CCDC40: variants seen among roughly 807,000 people sequenced by gnomAD.
CCDC40 encodes coiled-coil domain 40 molecular ruler complex subunit.
In CCDC40, 104 loss-of-function variants were observed where a neutral mutation model predicts 124.5. The observed-to-expected ratio is 0.84, with a 90% CI of 0.71 to 0.98. The LOEUF is 0.98. Ranked by LOEUF, CCDC40 falls within the 50% of genes least tolerant of loss-of-function variation. The probability of loss-of-function intolerance (pLI) is 0.00; values close to 1 mark genes in which losing one functional copy is unlikely to be tolerated. For synonymous variants in CCDC40, 580 were observed against 602.9 expected (o/e 0.96, Z 0.56); for missense variants, 1,463 against 1,503.9 (o/e 0.97, Z 0.45).
chr17:80,063,056 G>A lies in CCDC40; in HGVS notation c.1441-2429G>A, dbSNP rs377609658. Among the ~76,000 whole-genome samples, 5 of 152,216 alleles carry A rather than the reference G, an allele frequency of 3.3e-5. No individual in the cohort carries two copies. The East Asian group carries it at 5.8e-4, about 18-fold the overall frequency. On this transcript the variant is annotated intron_variant, in intron 9 of 19. Coordinates refer to ENST00000397545, the MANE Select transcript of CCDC40 (RefSeq NM_017950.4). ...CTAAAAATTCAAAAATTAGCCAGGC[G>A]TGGTGGCGAGTGCCTATAATCGCAG... is the stretch of plus-strand genomic sequence containing the variant.
intron 18 of CCDC40, among the ~76,000 whole-genome samples, chr17:80,095,757 C>T (rs914881893): frequency 6.6e-6 from 1 of 152,244 alleles, no homozygotes; most frequent in Non-Finnish European, 1.5e-5. Flanking sequence ...CTGCAGAATG[C>T]CCGCACCGGA....
At chr17:80,057,749 G>A (rs1027277969) in intron 7 of CCDC40, among the ~76,000 whole-genome samples, 38 of 151,954 alleles carry the variant, frequency 2.5e-4, no homozygotes, top group Non-Finnish European at 3.8e-4. Context: ...GGTGGCGGGC[G>A]CCTGTAGTCC....
At chr17:80,057,070 CAA>C (rs1419924606) in intron 7 of CCDC40, among the ~76,000 whole-genome samples, 1 of 151,062 alleles carries the variant, frequency 6.6e-6, no homozygotes, top group East Asian at 2.0e-4. Flanking sequence ...AGCAAGTCCT[CAA>C]AGAGAACTTA....
chr17:80,044,214 G>A (rs1193590407), intron 3 of CCDC40, among the ~76,000 whole-genome samples: 4 of 152,088 alleles, frequency 2.6e-5, no homozygotes, highest in African/African-American at 4.8e-5. Flanking sequence ...CAAAGCCACC[G>A]TTCTGAACCA....
chr17:80,086,177 G>A lies in CCDC40; in HGVS notation c.2410G>A (p.Glu804Lys), dbSNP rs1023942421. 6 of 1,613,518 alleles carry A rather than the reference G, an allele frequency of 3.7e-6. No individual in the cohort carries two copies. Among genetic ancestry groups the A allele is most frequent in the African/African-American group, 2.7e-5 (2 of 75,016 alleles). ...QLASLDASKK[E>K]LHIMEQKKLR... ...GGCCTCCCTGGACGCATCCAAGAAGGAGCTCCACATCATGGAGCAGAAGAA... is the reference window on the plus strand; with the variant it reads ...GGCCTCCCTGGACGCATCCAAGAAGAAGCTCCACATCATGGAGCAGAAGAA... Residue 804 changes from glutamate (E) to lysine (K), a missense_variant, in exon 14 of 20, where the codon GAG (glutamate) becomes AAG (lysine). Coordinates refer to ENST00000397545, the MANE Select transcript of CCDC40 (RefSeq NM_017950.4). The surrounding 1 kb of genome is among the most constrained non-coding windows in gnomAD (Gnocchi z 5.5).
chr17:80,059,488 TA>T (rs538629976), intron 9 of CCDC40, among the ~76,000 whole-genome samples: 4,346 of 120,780 alleles, frequency 0.036, 92 homozygotes, highest in African/African-American at 0.056. Context: ...TACTGCAACT[TA>T]AAAAAAAAAA....
chr17:80,081,515 G>A (rs545193924), intron 10 of CCDC40, 31 bp from the exon 11 acceptor site: 34 of 1,613,002 alleles, frequency 2.1e-5, no homozygotes, highest in Middle Eastern at 1.7e-4. Flanking sequence ...TGTCTCACAC[G>A]TAACTGGCTC....
intron 10 of CCDC40, among the ~76,000 whole-genome samples, chr17:80,071,497 C>T (rs990191639): frequency 6.6e-6 from 1 of 152,212 alleles, no homozygotes; most frequent in Non-Finnish European, 1.5e-5. Flanking sequence ...GCACGGTGCC[C>T]AATGCCTGGG....
chr17:80,037,050 A>G (rs1391813239), intron 1 of CCDC40, among the ~76,000 whole-genome samples: 3 of 152,100 alleles, frequency 2.0e-5, no homozygotes, highest in African/African-American at 7.2e-5. Context: ...CTAAGAGTAG[A>G]GGGCTCTGCA....
At chr17:80,042,838 C>T (rs8081980) in intron 3 of CCDC40, among the ~76,000 whole-genome samples, 8,814 of 143,938 alleles carry the variant, frequency 0.061, 803 homozygotes, top group African/African-American at 0.21. Context: ...CTTGTATTCT[C>T]GGTTTGTTGT....
intron 12 of CCDC40, 43 bp from the exon 13 acceptor site, chr17:80,084,700 G>C (rs1306501490): frequency 6.2e-7 from 1 of 1,611,552 alleles, no homozygotes; most frequent in African/African-American, 1.3e-5. Context: ...CCCGGGCCTT[G>C]GGTGGGGGCA....
chr17:80,052,049 G>A (rs1048469179), intron 7 of CCDC40, among the ~76,000 whole-genome samples: 14 of 152,352 alleles, frequency 9.2e-5, no homozygotes, highest in Admixed American at 2.0e-4. Context: ...GGCCCTGACC[G>A]GGGGGCAGCC....
chr17:80,083,892 T>C (rs951653238), intron 12 of CCDC40, among the ~76,000 whole-genome samples: 3 of 152,164 alleles, frequency 2.0e-5, no homozygotes, highest in African/African-American at 7.2e-5. Flanking sequence ...AGCACAGCCA[T>C]TACAGCTTAC....
intron 7 of CCDC40, among the ~76,000 whole-genome samples, chr17:80,057,345 C>A (rs1212594076): frequency 1.3e-5 from 2 of 151,940 alleles, no homozygotes; most frequent in Non-Finnish European, 2.9e-5. Flanking sequence ...ACCTCGGCCT[C>A]TCAAAGTGCT....
chr17:80,069,846 C>T (rs1313010473), intron 10 of CCDC40, among the ~76,000 whole-genome samples: 1 of 152,178 alleles, frequency 6.6e-6, no homozygotes, highest in East Asian at 1.9e-4. Flanking sequence ...AAACTGAGGG[C>T]TTGCCCTAAT....
chr17:80,064,566 G>A (rs1037010068), intron 9 of CCDC40, among the ~76,000 whole-genome samples: 9 of 152,092 alleles, frequency 5.9e-5, no homozygotes, highest in African/African-American at 1.2e-4. Flanking sequence ...GAGGCACAGC[G>A]GGTGAGATTC....
intron 3 of CCDC40, among the ~76,000 whole-genome samples, chr17:80,045,894 A>C (rs1018455136): frequency 6.6e-6 from 1 of 152,016 alleles, no homozygotes; most frequent in South Asian, 2.1e-4. Context: ...TGCCTGTCGA[A>C]ACTTGGACTG....
chr17:80,056,492 T>A (rs2037752490), intron 7 of CCDC40, among the ~76,000 whole-genome samples: 1 of 151,898 alleles, frequency 6.6e-6, no homozygotes, highest in Non-Finnish European at 1.5e-5. Flanking sequence ...CCGGGCATGG[T>A]GGCATGTGCC....
intron 1 of CCDC40, 41 bp downstream of exon 1, chr17:80,036,732 G>A: frequency 6.8e-7 from 1 of 1,460,164 alleles, no homozygotes; most frequent in Non-Finnish European, 9.0e-7. Context: ...GAGTCGCCAG[G>A]CCGCGCTCTC....
Sources: gnomAD v4.1 joint callset for allele counts (sites outside exome capture counted in the v4.1 genomes callset) on GRCh38, gnomAD v4.1.1 for gene constraint, Gnocchi (gnomAD v3.1) non-coding constraint, MANE v1.5 for transcripts, NCBI Gene and HGNC (gene_info 2026-07-23, HGNC 2026-07-21) for gene names.